SCN8A: variants seen among roughly 807,000 people sequenced by gnomAD.
SCN8A encodes the protein sodium channel protein type 8 subunit alpha.
SCN8A carries 30 observed loss-of-function variants against 184.1 expected under a neutral mutation model. The observed-to-expected ratio is 0.16, with a 90% CI of 0.12 to 0.22. SCN8A has a LOEUF of 0.22. Among genes scored for constraint, SCN8A ranks in the 10% least tolerant of loss-of-function variants. The pLI, the probability that SCN8A is intolerant of heterozygous loss-of-function variation, is 1.00. For missense variants in SCN8A, 1,057 were observed against 2,498.9 expected (o/e 0.42, Z 12.30); for synonymous variants, 852 against 907.0 (o/e 0.94, Z 1.09).
intron 1 of SCN8A, among the ~76,000 whole-genome samples, chr12:51,642,896 G>A (rs1341283662): frequency 1.3e-5 from 2 of 151,766 alleles, no homozygotes; most frequent in Non-Finnish European, 2.9e-5. Flanking sequence ...TCTGCTCTTC[G>A]GCCTGTTAGC....
chr12:51,680,338 C>CA (rs1403851193), intron 2 of SCN8A, among the ~76,000 whole-genome samples: 1 of 152,180 alleles, frequency 6.6e-6, no homozygotes, highest in Non-Finnish European at 1.5e-5. Flanking sequence ...CTTCTGCTTA[C>CA]AAAATCATAG....
At chr12:51,775,013 T>C (rs1372331314) in intron 20 of SCN8A, among the ~76,000 whole-genome samples, 1 of 152,230 alleles carries the variant, frequency 6.6e-6, no homozygotes, top group Non-Finnish European at 1.5e-5. Context: ...CTGTGTTTTT[T>C]CCAGGTTGGA....
At chr12:51,673,174 TACAG>T (rs1476627229) in intron 2 of SCN8A, among the ~76,000 whole-genome samples, 1 of 152,220 alleles carries the variant, frequency 6.6e-6, no homozygotes, top group African/African-American at 2.4e-5. Flanking sequence ...ACTGAACATG[TACAG>T]ACATTTTTTT....
chr12:51,701,309 A>T, intron 8 of SCN8A, 102 bp downstream of exon 8: 1 of 646,750 alleles, frequency 1.5e-6, no homozygotes, highest in Non-Finnish European at 2.5e-6. Flanking sequence ...GTGCTCAAGT[A>T]GTAGACCTTA....
chr12:51,702,677 T>C, intron 8 of SCN8A, 96 bp from the exon 9 acceptor site: 1 of 952,208 alleles, frequency 1.1e-6, no homozygotes. Context: ...ATCTCCAAGG[T>C]CATGGAGTAA....
At chr12:51,766,275 C>G in intron 16 of SCN8A, 1 of 546,924 alleles carries the variant, frequency 1.8e-6, no homozygotes, top group Non-Finnish European at 3.2e-6. Flanking sequence ...GCAAACTCAG[C>G]AAAATTAAGT....
intron 22 of SCN8A, chr12:51,788,482 CA>C (rs1938152279): frequency 2.7e-6 from 1 of 365,748 alleles, no homozygotes; most frequent in Non-Finnish European, 4.9e-6. Context: ...CCATTTTCAA[CA>C]TGTTTATTTG....
At chr12:51,643,274 A>G (rs972458435) in intron 1 of SCN8A, among the ~76,000 whole-genome samples, 8 of 152,166 alleles carry the variant, frequency 5.3e-5, no homozygotes, top group Non-Finnish European at 1.2e-4. Context: ...GCTGCTCCCA[A>G]TGTGATCCTA....
chr12:51,804,636 G>T (rs1412204328), intron 26 of SCN8A, among the ~76,000 whole-genome samples: 13 of 152,146 alleles, frequency 8.5e-5, no homozygotes. Flanking sequence ...ATTACACTTG[G>T]CTAATTTTTT....
At chr12:51,769,838 G>T in intron 17 of SCN8A, 30 bp from the exon 18 acceptor site, 1 of 1,473,998 alleles carries the variant, frequency 6.8e-7, no homozygotes, top group Non-Finnish European at 9.3e-7. Context: ...CCTCAGAGCT[G>T]CCTGATCTCC....
At chr12:51,607,377 GAC>G (rs1002740147) in intron 1 of SCN8A, among the ~76,000 whole-genome samples, 3 of 152,176 alleles carry the variant, frequency 2.0e-5, no homozygotes, top group African/African-American at 4.8e-5. Flanking sequence ...AGCAAATAGT[GAC>G]AGTTTCACTT....
At chr12:51,796,760 G>T (rs997644945) in intron 26 of SCN8A, among the ~76,000 whole-genome samples, 3 of 152,180 alleles carry the variant, frequency 2.0e-5, no homozygotes, top group African/African-American at 7.2e-5. Flanking sequence ...CCAAAGGCCA[G>T]AGAGCCCCTG....
Position 51,773,111 on chromosome 12 carries a change from C to T in SCN8A, c.3646-1078C>T, listed in dbSNP as rs144548828. ...CATCCTGGGCAACTGAGCGAGACTCCGTCTCCAAAAAAAAAAAAAGAGAGA... is the reference window on the plus strand; with the variant it reads ...CATCCTGGGCAACTGAGCGAGACTCTGTCTCCAAAAAAAAAAAAAGAGAGA... On this transcript the variant is annotated intron_variant, in intron 19 of 26. Coordinates refer to ENST00000627620, the MANE Select transcript of SCN8A (RefSeq NM_001330260.2). Among the ~76,000 whole-genome samples the T allele has an allele frequency of 7.7e-3, 1,158 of 150,444 alleles. 11 individuals carry two copies. Among genetic ancestry groups the T allele is most frequent in the African/African-American group, 0.025 (996 of 40,368 alleles).
At chr12:51,785,679 C>G (rs1938065569) in intron 21 of SCN8A, among the ~76,000 whole-genome samples, 1 of 151,868 alleles carries the variant, frequency 6.6e-6, no homozygotes, top group African/African-American at 2.4e-5. Context: ...TTTTTTATTC[C>G]TGAGCTTACT....
At chr12:51,645,643 G>A (rs2138641110) in intron 1 of SCN8A, among the ~76,000 whole-genome samples, 1 of 152,200 alleles carries the variant, frequency 6.6e-6, no homozygotes, top group Admixed American at 6.5e-5. Context: ...CTGTTGATCG[G>A]TGACCTTACC....
chr12:51,762,385 C>A, intron 14 of SCN8A, 118 bp from the exon 15 acceptor site: 1 of 939,666 alleles, frequency 1.1e-6, no homozygotes, highest in Non-Finnish European at 1.6e-6. Flanking sequence ...TCTTCAGATG[C>A]AGAATTTAAC....
At chr12:51,713,184 A>G in intron 11 of SCN8A, 1 of 1,187,202 alleles carries the variant, frequency 8.4e-7, no homozygotes, top group Non-Finnish European at 1.2e-6. Flanking sequence ...AGTCTCTCAA[A>G]TTATATTCCT....
intron 1 of SCN8A, among the ~76,000 whole-genome samples, chr12:51,660,830 T>C (rs1316685369): frequency 6.6e-6 from 1 of 151,536 alleles, no homozygotes; most frequent in Non-Finnish European, 1.5e-5. Context: ...GCTGTAGGAG[T>C]GTAGAAAGGG....
chr12:51,620,588 G>A (rs921772322), intron 1 of SCN8A, among the ~76,000 whole-genome samples: 27 of 152,046 alleles, frequency 1.8e-4, no homozygotes, highest in African/African-American at 6.0e-4. Flanking sequence ...TAACTTGGAA[G>A]GCTGTGCACT....
Sources: gnomAD v4.1 joint callset for allele counts (sites outside exome capture counted in the v4.1 genomes callset) on GRCh38, gnomAD v4.1.1 for gene constraint, MANE v1.5 for transcripts, NCBI Gene and HGNC (gene_info 2026-07-23, HGNC 2026-07-21) for gene names.